Variants in NR3C1 observed in about 807,000 individuals in gnomAD.
NR3C1 encodes the protein nuclear receptor subfamily 3 group C member 1.
Under a neutral mutation model 74.0 loss-of-function variants are expected in NR3C1, and 14 were observed. The ratio of observed to expected loss-of-function variants is 0.19; its 90% CI spans 0.12 to 0.30. NR3C1 has a LOEUF of 0.30. Among genes scored for constraint, NR3C1 ranks in the 10% least tolerant of loss-of-function variants. NR3C1 has a pLI of 1.00. For synonymous variants in NR3C1, 308 were observed against 332.5 expected (o/e 0.93, Z 0.80); for missense variants, 695 against 909.8 (o/e 0.76, Z 3.04).
intron 2 of NR3C1, among the ~76,000 whole-genome samples, chr5:143,347,535 AG>A (rs1829524445): frequency 6.6e-6 from 1 of 152,248 alleles, no homozygotes; most frequent in African/African-American, 2.4e-5. Flanking sequence ...AAAGGGATAG[AG>A]AGTGACTTTC....
chr5:143,402,587 G>A, intron 1 of NR3C1: 3 of 985,338 alleles, frequency 3.0e-6, no homozygotes, highest in Non-Finnish European at 3.6e-6. Flanking sequence ...GGTTAAAAGA[G>A]AAGTACGTCC....
intron 2 of NR3C1, among the ~76,000 whole-genome samples, chr5:143,380,525 C>T (rs1391529401): frequency 6.6e-6 from 1 of 152,078 alleles, no homozygotes; most frequent in African/African-American, 2.4e-5. Flanking sequence ...ATTTCTAAAA[C>T]CCCAAGAATT....
intron 2 of NR3C1, among the ~76,000 whole-genome samples, chr5:143,357,034 A>C (rs1415205756): frequency 6.6e-6 from 1 of 152,256 alleles, no homozygotes; most frequent in Admixed American, 6.5e-5. Context: ...TATAGTTTAT[A>C]AACAGAATTT....
chr5:143,412,280 G>C (rs1401707352), intron 1 of NR3C1, among the ~76,000 whole-genome samples: 1 of 130,458 alleles, frequency 7.7e-6, no homozygotes, highest in African/African-American at 2.8e-5. Flanking sequence ...GGAGGGGGGA[G>C]GGGAAGCCCC....
intron 6 of NR3C1, among the ~76,000 whole-genome samples, chr5:143,297,722 G>T (rs1016352798): frequency 6.6e-6 from 1 of 152,152 alleles, no homozygotes; most frequent in Non-Finnish European, 1.5e-5. Context: ...AATAAGCTAG[G>T]GGTACGAAAA....
At chr5:143,361,730 A>C (rs958167366) in intron 2 of NR3C1, among the ~76,000 whole-genome samples, 1 of 152,234 alleles carries the variant, frequency 6.6e-6, no homozygotes, top group African/African-American at 2.4e-5. Context: ...TGTCCCACGA[A>C]TAACAGTTTG....
At chr5:143,423,045 A>G (rs907341276) in intron 1 of NR3C1, among the ~76,000 whole-genome samples, 5 of 152,138 alleles carry the variant, frequency 3.3e-5, no homozygotes, top group Non-Finnish European at 5.9e-5. Context: ...TGATTTTTGT[A>G]TATGGCAAGA....
rs553641702 is a variant in NR3C1, at chr5:143,424,076, G to C, written c.-14+10456C>G. Among the ~76,000 whole-genome samples, 11 of 90,536 alleles carry C rather than the reference G, an allele frequency of 1.2e-4. No individual in the cohort carries two copies. The East Asian group carries it at 2.9e-3, about 24-fold the overall frequency. 59.4% of individuals were successfully genotyped at this position (90,536 alleles called of 152,430 possible). A position where few individuals can be genotyped will look rare whatever the true frequency, so the allele number is the denominator to read the frequency against. On this transcript the variant is annotated intron_variant, in intron 1 of 8. Coordinates refer to the NR3C1 transcript ENST00000343796. ...GGGGACTGTTGTGGGGTGTGGGGAG[G>C]GGGGAGGGATAGCATTGGGAGATAT...
rs972270104 is a variant in NR3C1 at position 143,430,602 on chromosome 5, A to G, written c.-14+3930T>C. Among the ~76,000 whole-genome samples the G allele has an allele frequency of 4.6e-5, 7 of 152,320 alleles. No individual in the cohort carries two copies. The East Asian group carries it at 1.3e-3, about 29-fold the overall frequency. ...TATGAATGGGATTAGTGCCCTTATGAAAGAGTCTCGGAAGAGCTCTCTCAC... is the reference window on the plus strand; with the variant it reads ...TATGAATGGGATTAGTGCCCTTATGGAAGAGTCTCGGAAGAGCTCTCTCAC... On this transcript the variant is annotated intron_variant, in intron 1 of 8. Transcript: ENST00000343796.
At chr5:143,298,949 G>T in intron 5 of NR3C1, 137 bp from the exon 6 acceptor site, 1 of 727,680 alleles carries the variant, frequency 1.4e-6, no homozygotes, top group East Asian at 2.9e-5. Context: ...TTAAATACTA[G>T]GTAGACACAG....
intron 2 of NR3C1, among the ~76,000 whole-genome samples, chr5:143,393,916 T>G (rs1838736096): frequency 6.6e-6 from 1 of 152,078 alleles, no homozygotes; most frequent in Non-Finnish European, 1.5e-5. Flanking sequence ...TGCAACAAAC[T>G]ATGTCTTAAA....
Position 143,279,061 on chromosome 5 carries a change from C to A in NR3C1, c.*2828G>T. The A allele has an allele frequency of 2.7e-6, 1 of 374,188 alleles. No homozygotes were observed. Among genetic ancestry groups the A allele is most frequent in the Admixed American group, 5.0e-5 (1 of 19,806 alleles). 23.2% of individuals were successfully genotyped at this position (374,188 alleles called of 1,614,324 possible). ...ATTTGTTGTGAGTAACCAACTCTCA[C>A]TGAAGTTACTACAAACTTCAACAGT... On this transcript the variant is annotated 3_prime_UTR_variant, in exon 9 of 9. Transcript: ENST00000394464.
chr5:143,322,915 T>C (rs921704936), intron 2 of NR3C1, among the ~76,000 whole-genome samples: 2 of 152,212 alleles, frequency 1.3e-5, no homozygotes, highest in African/African-American at 4.8e-5. Flanking sequence ...GCTGCTGCTC[T>C]CACTTCACAC....
At chr5:143,297,998 A>T (rs1409520213) in intron 6 of NR3C1, among the ~76,000 whole-genome samples, 1 of 152,208 alleles carries the variant, frequency 6.6e-6, no homozygotes, top group Non-Finnish European at 1.5e-5. Flanking sequence ...ACTGTGCTTG[A>T]GGAAGCAAAC....
At chr5:143,356,073 G>A (rs909939664) in intron 2 of NR3C1, among the ~76,000 whole-genome samples, 2 of 152,092 alleles carry the variant, frequency 1.3e-5, no homozygotes, top group African/African-American at 4.8e-5. Context: ...TACAGATACT[G>A]TTTTTAATAT....
chr5:143,422,912 CT>C (rs143369352), intron 1 of NR3C1, among the ~76,000 whole-genome samples: 4,803 of 152,244 alleles, frequency 0.032, 267 homozygotes, highest in African/African-American at 0.11. Flanking sequence ...TTCTCTCTTA[CT>C]TTCTCACCTG....
chr5:143,283,105 C>G (rs1281868351), intron 7 of NR3C1, among the ~76,000 whole-genome samples: 1 of 152,170 alleles, frequency 6.6e-6, no homozygotes. Context: ...AACTCCTGGG[C>G]TCAAGCAATC....
Position 143,295,499 on chromosome 5 carries a change from CT to C in NR3C1, c.1983del (p.Glu662SerfsTer5). On this transcript the variant is annotated frameshift_variant, in exon 7 of 9. Transcript: ENST00000394464. LOFTEE classifies it high-confidence loss of function. Reference protein sequence around the residue: ...SELHRLQVSYEEYLCMKTLLL... With the variant: ...SELHRLQVSYXEYLCMKTLLL... Reference sequence around the variant, plus strand: ...AGTAAGGTTTTCATACAGAGATACTCTTCATAAGATACCTGAAGCCTGTGTA... The same window carrying C: ...AGTAAGGTTTTCATACAGAGATACTCTCATAAGATACCTGAAGCCTGTGTA... 1 of 1,613,196 alleles carries C rather than the reference CT, an allele frequency of 6.2e-7. No individual in the cohort carries two copies. Among genetic ancestry groups the C allele is most frequent in the Non-Finnish European group, 8.5e-7 (1 of 1,179,424 alleles).
At chr5:143,314,555 C>G (rs1020245907) in intron 2 of NR3C1, among the ~76,000 whole-genome samples, 8 of 151,680 alleles carry the variant, frequency 5.3e-5, no homozygotes, top group African/African-American at 1.9e-4. Context: ...CATGTAACTA[C>G]TATCACAATC....
Sources: gnomAD v4.1 joint callset for allele counts (sites outside exome capture counted in the v4.1 genomes callset) on GRCh38, gnomAD v4.1.1 for gene constraint, MANE v1.5 for transcripts, NCBI Gene and HGNC (gene_info 2026-07-23, HGNC 2026-07-21) for gene names.